The following PTPRA variants were observed in gnomAD, a reference collection of about 807,000 sequenced individuals.
PTPRA encodes receptor-type tyrosine-protein phosphatase alpha.
PTPRA carries 25 observed loss-of-function variants against 104.8 expected under a neutral mutation model. That is an observed-to-expected ratio of 0.24 (90% CI 0.17 to 0.33). PTPRA has a LOEUF of 0.33. Among genes scored for constraint, PTPRA ranks in the 10% least tolerant of loss-of-function variants. PTPRA has a pLI of 1.00. For synonymous variants in PTPRA, 323 were observed against 368.9 expected (o/e 0.88, Z 1.43); for missense variants, 765 against 1,015.3 (o/e 0.75, Z 3.35).
the PTPRA span, chr20:2,866,286 G>A: frequency 6.2e-7 from 1 of 1,614,122 alleles, no homozygotes. Flanking sequence ...TGGGTCCCGA[G>A]CAGAAGGTCA....
intron 2 of PTPRA, among the ~76,000 whole-genome samples, chr20:2,936,181 C>T (rs886767704): frequency 4.0e-5 from 6 of 151,878 alleles, no homozygotes; most frequent in African/African-American, 1.5e-4. Context: ...TTTTGAGGAA[C>T]CTCCATACAT....
intron 9 of PTPRA, among the ~76,000 whole-genome samples, chr20:2,998,510 A>G (rs1178039): frequency 0.42 from 63,747 of 152,058 alleles, 14,155 homozygotes; most frequent in African/African-American, 0.55. Context: ...GAGAGTTGGG[A>G]GTTTGCGTTT....
At chr20:2,894,456 A>G (rs1471326855) in intron 1 of PTPRA, among the ~76,000 whole-genome samples, 1 of 152,194 alleles carries the variant, frequency 6.6e-6, no homozygotes, top group Non-Finnish European at 1.5e-5. Flanking sequence ...AGGCTGGTCT[A>G]AATGAGTTCA....
intron 6 of PTPRA, among the ~76,000 whole-genome samples, chr20:2,985,506 T>C (rs1243380063): frequency 6.6e-6 from 1 of 152,002 alleles, no homozygotes; most frequent in Non-Finnish European, 1.5e-5. Flanking sequence ...ACTCTGATGG[T>C]GTAGTTCATG....
At chr20:2,893,719 G>GC (rs1333754377) in intron 1 of PTPRA, among the ~76,000 whole-genome samples, 1 of 152,070 alleles carries the variant, frequency 6.6e-6, no homozygotes, top group Non-Finnish European at 1.5e-5. Flanking sequence ...TTGAAGGACA[G>GC]CCCAGAACCA....
intron 6 of PTPRA, among the ~76,000 whole-genome samples, chr20:2,985,181 T>C (rs1034805252): frequency 3.3e-5 from 5 of 152,242 alleles, no homozygotes; most frequent in African/African-American, 9.6e-5. Flanking sequence ...CCTGTTGGAT[T>C]TGGCAATATG....
intron 1 of PTPRA, among the ~76,000 whole-genome samples, chr20:2,921,182 G>A (rs1373909410): frequency 2.0e-5 from 3 of 152,044 alleles, no homozygotes; most frequent in African/African-American, 7.2e-5. Flanking sequence ...AACTGAATGG[G>A]CTCTGTAGTC....
intron 9 of PTPRA, among the ~76,000 whole-genome samples, chr20:3,002,832 A>T (rs923104542): frequency 3.3e-5 from 5 of 152,144 alleles, no homozygotes; most frequent in Non-Finnish European, 7.4e-5. Context: ...CTCCCTATTC[A>T]AGGACCTACC....
At chr20:2,866,659 C>A in the PTPRA span, 1 of 1,568,848 alleles carries the variant, frequency 6.4e-7, no homozygotes, top group Admixed American at 1.8e-5. Context: ...TCCAGCTCCT[C>A]CCCTAGAGCA....
chr20:2,930,648 A>G (rs558436050), intron 2 of PTPRA, among the ~76,000 whole-genome samples: 2 of 152,124 alleles, frequency 1.3e-5, no homozygotes, highest in African/African-American at 2.4e-5. Flanking sequence ...TGATCACTCA[A>G]ATCCTCTTTC....
At chr20:2,883,354 T>G (rs1265439657) in intron 1 of PTPRA, among the ~76,000 whole-genome samples, 1 of 151,696 alleles carries the variant, frequency 6.6e-6, no homozygotes, top group Non-Finnish European at 1.5e-5. Flanking sequence ...ACTTCTTTTC[T>G]TAGAAAGAAA....
the PTPRA span, chr20:2,865,213 G>T: frequency 1.2e-6 from 2 of 1,614,212 alleles, no homozygotes; most frequent in Middle Eastern, 1.6e-4. This position sits in a 1 kb window ranked among gnomAD's most constrained non-coding sequence, Gnocchi z 5.2. Flanking sequence ...TGGGGGGCCA[G>T]TTCCTAGACC....
intron 1 of PTPRA, among the ~76,000 whole-genome samples, chr20:2,902,150 G>T (rs1411886442): frequency 6.6e-6 from 1 of 152,152 alleles, no homozygotes; most frequent in Non-Finnish European, 1.5e-5. Flanking sequence ...CTCCCAAAGT[G>T]CAGGGATTAC....
At chr20:2,988,002 C>T (rs368070057) in intron 7 of PTPRA, 30 bp from the exon 8 acceptor site, 157 of 1,520,010 alleles carry the variant, frequency 1.0e-4, no homozygotes, top group Non-Finnish European at 1.3e-4. Flanking sequence ...CTCTGTGCTC[C>T]ATTCTTCACT....
intron 9 of PTPRA, among the ~76,000 whole-genome samples, chr20:2,993,835 G>A (rs2063288327): frequency 6.6e-6 from 1 of 152,198 alleles, no homozygotes; most frequent in African/African-American, 2.4e-5. Context: ...TGAAAATCAA[G>A]GTGGCACAGA....
At chr20:2,903,717 G>A (rs1423825056) in intron 1 of PTPRA, among the ~76,000 whole-genome samples, 1 of 152,052 alleles carries the variant, frequency 6.6e-6, no homozygotes, top group Non-Finnish European at 1.5e-5. Flanking sequence ...TGATGGGATT[G>A]TAAAGGCTGA....
At chr20:3,033,961 C>T (rs955113388) in intron 20 of PTPRA, among the ~76,000 whole-genome samples, 11 of 150,334 alleles carry the variant, frequency 7.3e-5, no homozygotes, top group African/African-American at 2.7e-4. Flanking sequence ...AAAATCCGCC[C>T]ATGTATACAA....
In PTPRA at chr20:2,920,037, G is replaced by A. The variant is rs181545331; in HGVS notation, c.-128-3170G>A. On this transcript the variant is annotated intron_variant, in intron 1 of 23. Transcript: ENST00000399903. ...GTCACAACAGCAGAGATGAGTAATT[G>A]TGACAAAGGCTGTTTGGCCTGCAGA... Among the ~76,000 whole-genome samples the A allele has an allele frequency of 6.0e-4, 92 of 152,334 alleles. 1 individual carries two copies. The highest frequency in any genetic ancestry group is 1.9e-3 in the African/African-American group (80 of 41,586).
upstream of PTPRA, among the ~76,000 whole-genome samples, chr20:2,870,972 A>T (rs569690967): frequency 1.3e-4 from 20 of 152,078 alleles, no homozygotes; most frequent in African/African-American, 4.3e-4. Flanking sequence ...TGGGCGAGGG[A>T]GCTCAGGACA....
Sources: allele counts gnomAD v4.1 joint callset (sites outside exome capture counted in the v4.1 genomes callset), GRCh38; gene constraint gnomAD v4.1.1; non-coding constraint Gnocchi (gnomAD v3.1); transcripts MANE v1.5; gene names NCBI Gene and HGNC (gene_info 2026-07-23, HGNC 2026-07-21).